H2BK1: variants seen among roughly 807,000 people sequenced by gnomAD.
H2BK1 encodes histone H2B type 2-K1.
At chr7:151,210,447 C>T in the H2BK1 span, 2 of 390,192 alleles carry the variant, frequency 5.1e-6, no homozygotes, top group East Asian at 3.6e-5. Context: ...AGGTAAGGGG[C>T]GTGACTCAAT....
At chr7:151,208,040 A>G in the H2BK1 span, 1 of 1,614,054 alleles carries the variant, frequency 6.2e-7, no homozygotes, top group Non-Finnish European at 8.5e-7. Flanking sequence ...CAGCTGCTCA[A>G]ACACGTCGTT....
At chr7:151,210,307 C>A in the H2BK1 span, 3 of 398,528 alleles carry the variant, frequency 7.5e-6, no homozygotes, top group South Asian at 3.8e-4. Flanking sequence ...GCTGTCCATA[C>A]TCAGCGCTCA....
chr7:151,210,351 C>G, the H2BK1 span: 14 of 397,236 alleles, frequency 3.5e-5, no homozygotes, highest in Admixed American at 1.3e-4. Flanking sequence ...TCACCCACCC[C>G]CTTGGAGCTA....
chr7:151,209,521 AATTG>A, the H2BK1 span, among the ~76,000 whole-genome samples: 3 of 152,216 alleles, frequency 2.0e-5, no homozygotes, highest in South Asian at 2.1e-4. Context: ...CCTCCAGACA[AATTG>A]ATTGTCAGTG....
chr7:151,208,547 T>C, the H2BK1 span, among the ~76,000 whole-genome samples: 1 of 152,256 alleles, frequency 6.6e-6, no homozygotes, highest in Admixed American at 6.5e-5. Flanking sequence ...TTTTTGCTAT[T>C]AGATGGTGCT....
At chr7:151,210,137 A>T in the H2BK1 span, 12 of 398,238 alleles carry the variant, frequency 3.0e-5, no homozygotes, top group South Asian at 1.3e-4. Flanking sequence ...GTGCCCTTTC[A>T]AGGCGCTTTG....
chr7:151,208,117 G>C, the H2BK1 span: 1 of 1,614,042 alleles, frequency 6.2e-7, no homozygotes, highest in Non-Finnish European at 8.5e-7. Flanking sequence ...CCTGGAGAGA[G>C]GGCAGCACCA....
the H2BK1 span, among the ~76,000 whole-genome samples, chr7:151,209,533 G>C: frequency 2.6e-5 from 4 of 152,202 alleles, no homozygotes; most frequent in Admixed American, 1.3e-4. Context: ...TTGATTGTCA[G>C]TGTTCCAAGT....
chr7:151,208,074 T>A, the H2BK1 span: 2 of 1,613,374 alleles, frequency 1.2e-6, no homozygotes. Context: ...ATGATGCTCA[T>A]GGCCTTGGCA....
chr7:151,208,257 CAACA>C, the H2BK1 span: 4 of 688,138 alleles, frequency 5.8e-6, no homozygotes, highest in Non-Finnish European at 1.0e-5. Flanking sequence ...TCCCAGAGGC[CAACA>C]GTCATGGAAA....
the H2BK1 span, chr7:151,207,858 G>A: frequency 4.6e-6 from 4 of 866,948 alleles, no homozygotes; most frequent in South Asian, 4.2e-5. Context: ...CTTTATTTTT[G>A]TCAGGCCCTG....
the H2BK1 span, chr7:151,210,426 G>A: frequency 2.9e-6 from 1 of 346,798 alleles, no homozygotes; most frequent in African/African-American, 2.2e-5. Flanking sequence ...GGGGGGGGGG[G>A]GGCAGGTGGG....
the H2BK1 span, chr7:151,210,375 C>A: frequency 3.2e-6 from 1 of 312,708 alleles, no homozygotes; most frequent in South Asian, 1.6e-4. Flanking sequence ...TTTATCAAGT[C>A]AGCTGCCCCA....
chr7:151,209,331 C>A, the H2BK1 span, among the ~76,000 whole-genome samples: 20 of 151,204 alleles, frequency 1.3e-4, no homozygotes, highest in East Asian at 7.9e-4. Context: ...CATTCCCAGG[C>A]ACCCAGGTTG....
At chr7:151,209,209 C>T in the H2BK1 span, among the ~76,000 whole-genome samples, 3 of 152,064 alleles carry the variant, frequency 2.0e-5, no homozygotes, top group African/African-American at 7.2e-5. Context: ...CAAGGCTCAG[C>T]GATACCCACT....
At chr7:151,208,101 G>A in the H2BK1 span, 2 of 1,614,154 alleles carry the variant, frequency 1.2e-6, no homozygotes, top group Non-Finnish European at 1.7e-6. Context: ...CCAATGTCAG[G>A]GTGCACCTGG....
the H2BK1 span, chr7:151,210,415 AGGGGG>A: frequency 0.049 from 12,662 of 260,854 alleles, 1,399 homozygotes; most frequent in Admixed American, 0.12. Flanking sequence ...TGCACCTGGG[AGGGGG>A]GGGGGGGGCA....
the H2BK1 span, among the ~76,000 whole-genome samples, chr7:151,208,787 C>G: frequency 1.3e-5 from 2 of 152,200 alleles, no homozygotes; most frequent in Non-Finnish European, 1.5e-5. Context: ...CCTCAGTTTC[C>G]TCTTCTGTCA....
chr7:151,209,242 A>G, the H2BK1 span, among the ~76,000 whole-genome samples: 1 of 151,966 alleles, frequency 6.6e-6, no homozygotes, highest in Non-Finnish European at 1.5e-5. Flanking sequence ...TCTTCAGGGC[A>G]CCAGAGTCTG....
Sources: gnomAD v4.1 joint callset for allele counts (sites outside exome capture counted in the v4.1 genomes callset) on GRCh38, gnomAD v4.1.1 for gene constraint, MANE v1.5 for transcripts, NCBI Gene and HGNC (gene_info 2026-07-23, HGNC 2026-07-21) for gene names.